The following ARHGEF9 variants were observed in gnomAD, a reference collection of about 807,000 sequenced individuals.
The protein encoded by ARHGEF9 is rho guanine nucleotide exchange factor 9.
Under a neutral mutation model 41.3 loss-of-function variants are expected in ARHGEF9, and 2 were observed. The observed-to-expected ratio is 0.05, with a 90% CI of 0.02 to 0.15. ARHGEF9 has a LOEUF of 0.15. ARHGEF9 is among the 10% of genes least tolerant of loss of function. The pLI is 1.00. For synonymous variants in ARHGEF9, 160 were observed against 154.4 expected (o/e 1.04, Z -0.27); for missense variants, 225 against 424.7 (o/e 0.53, Z 4.13).
chrX:63,700,809 C>T (rs2147473241), intron 3 of ARHGEF9, among the ~76,000 whole-genome samples: 1 of 111,383 alleles, frequency 9.0e-6, no homozygotes, highest in East Asian at 2.9e-4. Flanking sequence ...CAAAAGGGGT[C>T]TGTGGCTCTT....
chrX:63,664,076 A>G (rs1556344841), intron 7 of ARHGEF9, among the ~76,000 whole-genome samples: 1 of 111,901 alleles, frequency 8.9e-6, no homozygotes, highest in Non-Finnish European at 1.9e-5. Flanking sequence ...TGTTTTCACC[A>G]TCCCTGTTAT....
At chrX:63,698,138 T>A (rs2051902230) in intron 3 of ARHGEF9, among the ~76,000 whole-genome samples, 1 of 106,268 alleles carries the variant, frequency 9.4e-6, no homozygotes, top group South Asian at 3.9e-4. Flanking sequence ...TTTATAAATA[T>A]ATCATATATA....
Position 63,635,548 on chromosome X carries a change from C to T in ARHGEF9, c.*2480G>A, listed in dbSNP as rs1268284825. On this transcript the variant is annotated 3_prime_UTR_variant, in exon 10 of 10. Coordinates refer to ENST00000671741, the MANE Select transcript of ARHGEF9 (RefSeq NM_001353921.2). ...TGTTGGCCACTGGTCTGCTTTGATG[C>T]TATAGGCTGAGGGAATACTCCAACC... The T allele has an allele frequency of 4.3e-6, 2 of 460,694 alleles. No individual in the cohort carries two copies. Among genetic ancestry groups the T allele is most frequent in the African/African-American group, 2.5e-5 (1 of 39,517 alleles). The allele number at this position is 460,694 out of a possible 1,213,427, so 38.0% of individuals were successfully genotyped here.
intron 1 of ARHGEF9, among the ~76,000 whole-genome samples, chrX:63,725,229 A>G (rs782701905): frequency 4.5e-5 from 5 of 110,548 alleles, no homozygotes; most frequent in African/African-American, 1.6e-4. Context: ...TTCCTCACGC[A>G]TAATGGACCC....
intron 5 of ARHGEF9, among the ~76,000 whole-genome samples, chrX:63,677,976 C>G (rs782745356): frequency 5.4e-5 from 6 of 111,819 alleles, no homozygotes; most frequent in African/African-American, 9.8e-5. Flanking sequence ...CTTTCAGACC[C>G]AGATGCATGA....
chrX:63,690,300 G>A (rs1346994790), intron 4 of ARHGEF9, among the ~76,000 whole-genome samples: 1 of 111,145 alleles, frequency 9.0e-6, no homozygotes, highest in Non-Finnish European at 1.9e-5. Context: ...GAGGTGAAAA[G>A]GGAGAATATA....
chrX:63,731,613 G>A (rs1272831569), intron 1 of ARHGEF9, among the ~76,000 whole-genome samples: 9 of 99,516 alleles, frequency 9.0e-5, no homozygotes, highest in Non-Finnish European at 1.4e-4. Context: ...AGGCTGGAGC[G>A]CAGTGGTGCA....
chrX:63,783,200 G>T (rs1472835336), intron 1 of ARHGEF9, among the ~76,000 whole-genome samples: 5 of 111,415 alleles, frequency 4.5e-5, no homozygotes, highest in South Asian at 3.8e-4. Context: ...ATTTGGGAGA[G>T]GAAGTAAGTC....
At chrX:63,755,082 C>T in intron 1 of ARHGEF9, 1 of 939,076 alleles carries the variant, frequency 1.1e-6, no homozygotes, top group Non-Finnish European at 1.3e-6. Flanking sequence ...GACACTCGTT[C>T]GATCCCTGCC....
intron 1 of ARHGEF9, among the ~76,000 whole-genome samples, chrX:63,768,583 T>G (rs2056151803): frequency 8.9e-6 from 1 of 112,247 alleles, no homozygotes; most frequent in South Asian, 3.7e-4. Context: ...GTTGTACTAA[T>G]GTATACAATA....
At chrX:63,742,208 G>C (rs2055004913) in intron 1 of ARHGEF9, among the ~76,000 whole-genome samples, 1 of 111,953 alleles carries the variant, frequency 8.9e-6, no homozygotes. Flanking sequence ...TGGCTGACTA[G>C]AGAGAATAGG....
intron 7 of ARHGEF9, 89 bp from the exon 8 acceptor site, chrX:63,655,826 G>A: frequency 1.8e-6 from 2 of 1,122,368 alleles, no homozygotes; most frequent in Admixed American, 2.2e-5. Context: ...TGCTAACACT[G>A]TCACCGTTTT....
At position 63,637,908 on chromosome X, in the gene ARHGEF9, T is replaced by A; in HGVS notation, c.*120A>T. Reference sequence around the variant, plus strand: ...TGTGTGTGTGTGTGTGTATGTGTACTCAAGGGTCTCTGTGTGTGTGTGTGT... The same window carrying A: ...TGTGTGTGTGTGTGTGTATGTGTACACAAGGGTCTCTGTGTGTGTGTGTGT... On this transcript the variant is annotated 3_prime_UTR_variant, in exon 10 of 10. Coordinates refer to ENST00000671741, the MANE Select transcript of ARHGEF9 (RefSeq NM_001353921.2). 1 of 519,442 alleles carries A rather than the reference T, an allele frequency of 1.9e-6. No individual in the cohort carries two copies. Among genetic ancestry groups the A allele is most frequent in the East Asian group, 3.8e-5 (1 of 26,479 alleles). 42.8% of individuals were successfully genotyped at this position (519,442 alleles called of 1,213,427 possible). A position where few individuals can be genotyped will look rare whatever the true frequency, so the allele number is the denominator to read the frequency against.
At chrX:63,642,833 A>C (rs782096605) in intron 9 of ARHGEF9, 20 of 111,593 alleles carry the variant, frequency 1.8e-4, no homozygotes, top group Non-Finnish European at 3.8e-5. Context: ...GGCTATCAGT[A>C]ATAGAAGCAG....
chrX:63,739,199 G>A (rs535434992), intron 1 of ARHGEF9, among the ~76,000 whole-genome samples: 7 of 111,874 alleles, frequency 6.3e-5, no homozygotes, highest in Admixed American at 1.9e-4. Context: ...GTGAGGAGGT[G>A]CGGGTGACCA....
chrX:63,658,361 TC>T (rs1190356023), intron 7 of ARHGEF9, among the ~76,000 whole-genome samples: 2 of 111,870 alleles, frequency 1.8e-5, no homozygotes, highest in African/African-American at 3.2e-5. Flanking sequence ...GGAACTCCAA[TC>T]AGAAAGAGTA....
intron 2 of ARHGEF9, among the ~76,000 whole-genome samples, chrX:63,711,187 T>A (rs1569484256): frequency 8.9e-6 from 1 of 111,767 alleles, no homozygotes. Context: ...AAACCTCTCC[T>A]ATTCATGGAT....
intron 5 of ARHGEF9, among the ~76,000 whole-genome samples, chrX:63,676,665 C>T (rs781816335): frequency 3.8e-4 from 42 of 111,744 alleles, no homozygotes; most frequent in Non-Finnish European, 5.5e-4. Flanking sequence ...AGTAAGTGCT[C>T]CTGCTCTTTG....
intron 4 of ARHGEF9, among the ~76,000 whole-genome samples, chrX:63,690,904 T>C (rs1556380832): frequency 2.7e-5 from 3 of 111,920 alleles, no homozygotes; most frequent in African/African-American, 9.7e-5. Context: ...CTTCAATAGA[T>C]GCTGAAAAAG....
Sources: allele counts gnomAD v4.1 joint callset (sites outside exome capture counted in the v4.1 genomes callset), GRCh38; gene constraint gnomAD v4.1.1; transcripts MANE v1.5; gene names NCBI Gene and HGNC (gene_info 2026-07-23, HGNC 2026-07-21).